The following CD83 variants were observed in gnomAD, a reference collection of about 807,000 sequenced individuals.
CD83 encodes CD83 antigen.
In CD83, 22 loss-of-function variants were observed where a neutral mutation model predicts 24.6. The observed-to-expected ratio is 0.90, with a 90% CI of 0.64 to 1.28. The LOEUF is 1.28. Among genes scored for constraint, CD83 ranks in the 50% most tolerant of loss-of-function variants. The pLI is 0.00. For synonymous variants in CD83, 101 were observed against 103.5 expected (o/e 0.98, Z 0.14); for missense variants, 253 against 252.8 (o/e 1.00, Z -0.01).
chr6:14,130,912 T>C (rs901096999), intron 2 of CD83, among the ~76,000 whole-genome samples: 1 of 152,198 alleles, frequency 6.6e-6, no homozygotes, highest in African/African-American at 2.4e-5. Context: ...GCTTCTCAGC[T>C]GTCTCACTGC....
chr6:14,125,547 G>A (rs532422966), intron 2 of CD83, among the ~76,000 whole-genome samples: 7 of 152,186 alleles, frequency 4.6e-5, no homozygotes, highest in East Asian at 1.9e-4. Context: ...ACTGGGTCAC[G>A]TGCCTATCAG....
Position 14,135,336 on chromosome 6 carries a change from A to T in CD83, c.*100A>T. On this transcript the variant is annotated 3_prime_UTR_variant, in exon 5 of 5. Transcript: ENST00000379153. Reference sequence around the variant, plus strand: ...AGAATGAGCCTACGCTGAAGATGGCATCCTGTGAAGTCCTTCACCTCACTG... The same window carrying T: ...AGAATGAGCCTACGCTGAAGATGGCTTCCTGTGAAGTCCTTCACCTCACTG... 2 of 1,333,358 alleles carry T rather than the reference A, an allele frequency of 1.5e-6. No homozygotes were observed. The highest frequency in any genetic ancestry group is 2.1e-6 in the Non-Finnish European group (2 of 968,488). The allele number at this position is 1,333,358 out of a possible 1,614,324, so 82.6% of individuals were successfully genotyped here.
rs756539804 is a variant in CD83 at position 14,135,189 on chromosome 6, A to G, written c.571A>G (p.Asn191Asp). Reference protein sequence around the residue: ...ERAFLPVTSPNKHLGLVTPHK... With the variant: ...ERAFLPVTSPDKHLGLVTPHK... ...AGCTTTTCTCCCAGTTACCTCCCCA[A>G]ATAAGCATTTAGGGCTAGTGACTCC... The change falls in exon 5 of 5, where the codon AAT (asparagine) becomes GAT (aspartate). Residue 191 changes from asparagine (N) to aspartate (D), a missense_variant. By Grantham distance (23) the Asn-to-Asp change is conservative. Transcript: ENST00000379153. 23 of 1,613,984 alleles carry G rather than the reference A, an allele frequency of 1.4e-5. No homozygotes were observed. Among genetic ancestry groups the G allele is most frequent in the Admixed American group, 6.7e-5 (4 of 60,006 alleles).
chr6:14,122,060 T>C (rs1759683519), intron 2 of CD83, among the ~76,000 whole-genome samples: 1 of 151,570 alleles, frequency 6.6e-6, no homozygotes, highest in East Asian at 1.9e-4. Flanking sequence ...GTGAGGAGAG[T>C]GAAGCATCAC....
intron 2 of CD83, among the ~76,000 whole-genome samples, chr6:14,120,300 A>G (rs1307698271): frequency 3.3e-5 from 5 of 152,174 alleles, no homozygotes; most frequent in Admixed American, 6.5e-5. Context: ...CCAGCCCAAT[A>G]ATTATACTTT....
rs1759900959 is a variant in CD83, at chr6:14,129,671, T to G, written c.154-1849T>G. Reference sequence around the variant, plus strand: ...AGAGCCGTTCATCTCAGCTCAGGGCTGGGAGGGAGCTGAGCAGGTTTTCTT... The same window carrying G: ...AGAGCCGTTCATCTCAGCTCAGGGCGGGGAGGGAGCTGAGCAGGTTTTCTT... On this transcript the variant is annotated intron_variant, in intron 2 of 4. Coordinates refer to ENST00000379153, the MANE Select transcript of CD83 (RefSeq NM_004233.4). This position sits in a 1 kb window ranked among gnomAD's most constrained non-coding sequence, Gnocchi z 4.3. Among the ~76,000 whole-genome samples, 1 of 152,136 alleles carries G rather than the reference T, an allele frequency of 6.6e-6. No homozygotes were observed. The highest frequency in any genetic ancestry group is 6.5e-5 in the Admixed American group (1 of 15,272).
intron 2 of CD83, among the ~76,000 whole-genome samples, chr6:14,125,605 C>G (rs1186508244): frequency 6.6e-6 from 1 of 152,164 alleles, no homozygotes; most frequent in Admixed American, 6.5e-5. Flanking sequence ...TAAGTTGCCT[C>G]CTCTAGAACC....
intron 2 of CD83, among the ~76,000 whole-genome samples, chr6:14,124,162 G>T (rs575531090): frequency 6.6e-6 from 1 of 152,284 alleles, no homozygotes; most frequent in East Asian, 1.9e-4. Flanking sequence ...AAATTTCCGT[G>T]TGTGTCATGT....
intron 2 of CD83, among the ~76,000 whole-genome samples, chr6:14,118,273 C>G (rs1759590024): frequency 6.6e-6 from 1 of 152,146 alleles, no homozygotes; most frequent in African/African-American, 2.4e-5. Context: ...TTTTGCTCTC[C>G]GCAGACCTCA....
At chr6:14,117,552 GGGGCGGGGACGCGCACGCGGCGA>G (rs1295777184), upstream of CD83, 10 of 149,174 alleles carry the variant, frequency 6.7e-5, no homozygotes, top group South Asian at 2.1e-4. The surrounding 1 kb of genome is among the most constrained non-coding windows in gnomAD (Gnocchi z 4.6). Context: ...CGGGCGCGCG[GGGGCGGGGACGCGCACGCGGCGA>G]GGGCGGCGGG....
chr6:14,123,749 T>C (rs1220470129), intron 2 of CD83, among the ~76,000 whole-genome samples: 2 of 64,244 alleles, frequency 3.1e-5, no homozygotes, highest in South Asian at 4.6e-4. Flanking sequence ...GAGAGTTAAA[T>C]TGAAAAAAAA....
Position 14,135,243 on chromosome 6 carries a change from T to G in CD83, c.*7T>G, listed in dbSNP as rs899947210. 6.2e-7 allele frequency: 1 copy of G among 1,613,016 alleles called. No individual in the cohort carries two copies. Among genetic ancestry groups the G allele is most frequent in the Non-Finnish European group, 8.5e-7 (1 of 1,179,228 alleles). ...CAAGACAGAACTGGTATGAGCAGGA[T>G]TTCTGCAGGTTCTTCTTCCTGAAGC... On this transcript the variant is annotated 3_prime_UTR_variant, in exon 5 of 5. Transcript: ENST00000379153.
rs551026480 is a variant in CD83, at chr6:14,118,081, C to A, written c.153+16C>A. The A allele has an allele frequency of 1.9e-6, 3 of 1,570,972 alleles. No individual in the cohort carries two copies. Among genetic ancestry groups the A allele is most frequent in the Non-Finnish European group, 2.6e-6 (3 of 1,151,876 alleles). On this transcript the variant is annotated intron_variant, in intron 2 of 4. Coordinates refer to ENST00000379153, the MANE Select transcript of CD83 (RefSeq NM_004233.4). ...CTGGGTCAAGGTAGGTGCTGCGATA[C>A]CCACGGGCTGGGGTTTGGTGGGCTC...
intron 2 of CD83, among the ~76,000 whole-genome samples, chr6:14,120,071 T>C (rs375015870): frequency 6.6e-6 from 1 of 152,242 alleles, no homozygotes; most frequent in African/African-American, 2.4e-5. Flanking sequence ...GACAGCAGTC[T>C]CTAGGCGTTC....
In CD83 at chr6:14,133,741, A is replaced by G. The variant is rs916007578; in HGVS notation, c.475A>G (p.Ile159Val). The G allele has an allele frequency of 5.0e-6, 8 of 1,606,076 alleles. No individual in the cohort carries two copies. Among genetic ancestry groups the G allele is most frequent in the African/African-American group, 1.3e-5 (1 of 74,642 alleles). ...TCTGGTTATTTTCTACTTAACACTCATCATTTTCACTTGTGTAAGTATCTT... is the reference window on the plus strand; with the variant it reads ...TCTGGTTATTTTCTACTTAACACTCGTCATTTTCACTTGTGTAAGTATCTT... ...LALVIFYLTL[I>V]IFTCKFARLQ... Residue 159 changes from isoleucine (I) to valine (V), a missense_variant, in exon 4 of 5, where the codon ATC (isoleucine) becomes GTC (valine). Coordinates refer to ENST00000379153, the MANE Select transcript of CD83 (RefSeq NM_004233.4).
At chr6:14,133,535 T>G in intron 3 of CD83, 114 bp from the exon 4 acceptor site, 1 of 679,018 alleles carries the variant, frequency 1.5e-6, no homozygotes, top group South Asian at 1.9e-5. Context: ...ATCCTGATGG[T>G]GGGAAGAGGA....
chr6:14,135,317 A>C lies in CD83; in HGVS notation c.*81A>C. 1.4e-6 allele frequency: 2 copies of C among 1,459,520 alleles called. No individual in the cohort carries two copies. The highest frequency in any genetic ancestry group is 1.9e-6 in the Non-Finnish European group (2 of 1,068,768). The allele number at this position is 1,459,520 out of a possible 1,614,324, so 90.4% of individuals were successfully genotyped here. ...TGTTACACTGGAGGAGAGAAGAATG[A>C]GCCTACGCTGAAGATGGCATCCTGT... On this transcript the variant is annotated 3_prime_UTR_variant, in exon 5 of 5. Coordinates refer to ENST00000379153, the MANE Select transcript of CD83 (RefSeq NM_004233.4).
intron 2 of CD83, among the ~76,000 whole-genome samples, chr6:14,123,797 C>CATTAATAAA (rs1759727844): frequency 6.7e-6 from 1 of 148,526 alleles, no homozygotes; most frequent in South Asian, 2.2e-4. Flanking sequence ...ACTTGTTTTC[C>CATTAATAAA]ATTAATAAAA....
chr6:14,118,337 T>C (rs1759591942), intron 2 of CD83, among the ~76,000 whole-genome samples: 1 of 47,294 alleles, frequency 2.1e-5, no homozygotes, highest in African/African-American at 9.7e-5. Flanking sequence ...CTTAAGATGT[T>C]TTGGAAGGGC....
Sources: gnomAD v4.1 joint callset for allele counts (sites outside exome capture counted in the v4.1 genomes callset) on GRCh38, gnomAD v4.1.1 for gene constraint, Gnocchi (gnomAD v3.1) non-coding constraint, MANE v1.5 for transcripts, NCBI Gene and HGNC (gene_info 2026-07-23, HGNC 2026-07-21) for gene names.